UBTD1: variants seen among roughly 807,000 people sequenced by gnomAD.
UBTD1 encodes ubiquitin domain containing 1.
Under a neutral mutation model 21.7 loss-of-function variants are expected in UBTD1, and 19 were observed. That is an observed-to-expected ratio of 0.87 (90% CI 0.61 to 1.28). The LOEUF (loss-of-function observed/expected upper bound fraction) is 1.28, where lower values mean the gene tolerates loss of function less well. UBTD1 is among the 50% of genes most tolerant of loss of function. The probability of loss-of-function intolerance (pLI) is 0.00; values close to 1 mark genes in which losing one functional copy is unlikely to be tolerated. For missense variants in UBTD1, 282 were observed against 315.1 expected (o/e 0.89, Z 0.80); for synonymous variants, 116 against 135.1 (o/e 0.86, Z 0.98).
chr10:97,524,792 G>T (rs2040481082), intron 1 of UBTD1, among the ~76,000 whole-genome samples: 2 of 152,206 alleles, frequency 1.3e-5, no homozygotes, highest in African/African-American at 4.8e-5. Context: ...GAACATTGTT[G>T]TTTGCATGGT....
intron 1 of UBTD1, among the ~76,000 whole-genome samples, chr10:97,565,436 C>A (rs965254267): frequency 1.3e-5 from 2 of 152,156 alleles, no homozygotes; most frequent in Non-Finnish European, 2.9e-5. Context: ...TCCATGATTT[C>A]TTTGAATGTT....
At chr10:97,521,907 T>G (rs1435358127) in intron 1 of UBTD1, among the ~76,000 whole-genome samples, 1 of 152,244 alleles carries the variant, frequency 6.6e-6, no homozygotes, top group Non-Finnish European at 1.5e-5. Context: ...CTACAGATGT[T>G]TGCGTCATTG....
rs1210992670 is a variant in UBTD1, at chr10:97,528,732, C to G, written c.70+29459C>G. On this transcript the variant is annotated intron_variant, in intron 1 of 2. Transcript: ENST00000370664. ...GGCCGGGCGGGGGGCTGACCCCCCC[C>G]ACCTCCCTCCCGGACGGGGCGGCTG... 7.2e-4 allele frequency among the ~76,000 whole-genome samples: 41 copies of G among 56,946 alleles called. 2 individuals are homozygous for G. Among genetic ancestry groups the G allele is most frequent in the African/African-American group, 2.6e-3 (39 of 15,122 alleles). The allele number at this position is 56,946 out of a possible 152,430, so 37.4% of individuals were successfully genotyped here.
Position 97,570,397 on chromosome 10 carries a change from A to T in UBTD1, c.558A>T (p.Pro186=). 3 of 1,613,466 alleles carry T rather than the reference A, an allele frequency of 1.9e-6. No individual in the cohort carries two copies. The highest frequency in any genetic ancestry group is 1.1e-5 in the South Asian group (1 of 91,090). The change falls in exon 3 of 3, where the codon CCA becomes CCT. Residue 186 remains proline (P), a synonymous_variant. Transcript: ENST00000370664. The surrounding 1 kb of genome is among the most constrained non-coding windows in gnomAD (Gnocchi z 6.6). The part of the protein sequence containing the change: ...RQLHAQEGIE[P]SWQRWFFSGK... ...TGCACGCCCAGGAGGGCATCGAGCC[A>T]TCGTGGCAGCGGTGGTTCTTCTCCG...
intron 1 of UBTD1, among the ~76,000 whole-genome samples, chr10:97,518,703 G>A (rs1398345294): frequency 6.6e-6 from 1 of 152,228 alleles, no homozygotes; most frequent in Non-Finnish European, 1.5e-5. Flanking sequence ...GTTGACTGGA[G>A]AGTTTATGTC....
intron 1 of UBTD1, among the ~76,000 whole-genome samples, chr10:97,539,587 C>T (rs1341465633): frequency 6.6e-6 from 1 of 151,094 alleles, no homozygotes; most frequent in Non-Finnish European, 1.5e-5. Context: ...AGAGAGAGGC[C>T]CCATTTCAAA....
At chr10:97,524,754 G>GT (rs1420698546) in intron 1 of UBTD1, among the ~76,000 whole-genome samples, 2 of 152,192 alleles carry the variant, frequency 1.3e-5, no homozygotes, top group Admixed American at 6.5e-5. Flanking sequence ...CTGGGATCCT[G>GT]TTTTTTTGAA....
intron 2 of UBTD1, among the ~76,000 whole-genome samples, chr10:97,568,579 G>A (rs1004263989): frequency 5.3e-5 from 8 of 151,794 alleles, no homozygotes; most frequent in African/African-American, 1.9e-4. Context: ...GTGCCACCAT[G>A]CCTGGCTAAT....
At chr10:97,533,730 C>T (rs1180586958) in intron 1 of UBTD1, among the ~76,000 whole-genome samples, 3 of 152,034 alleles carry the variant, frequency 2.0e-5, no homozygotes, top group Non-Finnish European at 4.4e-5. Flanking sequence ...TTGAGACCAG[C>T]CTGGCCAACA....
At chr10:97,566,680 G>C (rs1056361731) in intron 1 of UBTD1, among the ~76,000 whole-genome samples, 1 of 152,198 alleles carries the variant, frequency 6.6e-6, no homozygotes, top group Non-Finnish European at 1.5e-5. Context: ...AGCGGAGATC[G>C]CTGCCTGCAA....
At chr10:97,527,320 T>C (rs1215541299) in intron 1 of UBTD1, among the ~76,000 whole-genome samples, 1 of 151,568 alleles carries the variant, frequency 6.6e-6, no homozygotes, top group Non-Finnish European at 1.5e-5. Context: ...ATACAAAAAA[T>C]TTCAAAAAGA....
chr10:97,568,973 G>T (rs1255188624), intron 2 of UBTD1, among the ~76,000 whole-genome samples: 1 of 152,130 alleles, frequency 6.6e-6, no homozygotes, highest in African/African-American at 2.4e-5. Context: ...ACAGGCATGC[G>T]CCATCACGCC....
intron 1 of UBTD1, among the ~76,000 whole-genome samples, chr10:97,534,282 G>A (rs565393662): frequency 5.3e-5 from 8 of 152,198 alleles, no homozygotes; most frequent in Middle Eastern, 3.2e-3. Flanking sequence ...TATTGTGTGC[G>A]GATCATTGGC....
At chr10:97,558,587 G>C (rs974203030) in intron 1 of UBTD1, among the ~76,000 whole-genome samples, 1 of 151,972 alleles carries the variant, frequency 6.6e-6, no homozygotes, top group Non-Finnish European at 1.5e-5. Flanking sequence ...CTGACACATA[G>C]AGTGTAAAGA....
chr10:97,529,531 G>A (rs1464157246), intron 1 of UBTD1, among the ~76,000 whole-genome samples: 4 of 152,226 alleles, frequency 2.6e-5, no homozygotes, highest in African/African-American at 9.6e-5. Context: ...GGAGGCCGAG[G>A]CTGGCGGATC....
chr10:97,570,309 C>T lies in UBTD1; in HGVS notation c.470C>T (p.Thr157Met), dbSNP rs567215770. The change falls in exon 3 of 3, where the codon ACG (threonine) becomes ATG (methionine). Residue 157 changes from threonine to methionine, a missense_variant. Physicochemically the swap from Thr to Met is moderately conservative, Grantham distance 81. Transcript: ENST00000370664. This position sits in a 1 kb window ranked among gnomAD's most constrained non-coding sequence, Gnocchi z 6.6. ...REFPLKVRLS[T>M]GKDVRLSASL... Reference sequence around the variant, plus strand: ...TTCCCGCTGAAGGTGCGCCTGTCCACGGGCAAGGACGTGAGGCTCAGCGCC... The same window carrying T: ...TTCCCGCTGAAGGTGCGCCTGTCCATGGGCAAGGACGTGAGGCTCAGCGCC... 26 of 1,613,204 alleles carry T rather than the reference C, an allele frequency of 1.6e-5. No homozygotes were observed. Among genetic ancestry groups the T allele is most frequent in the African/African-American group, 8.0e-5 (6 of 75,060 alleles).
intron 1 of UBTD1, among the ~76,000 whole-genome samples, chr10:97,518,165 C>T (rs1459437397): frequency 1.3e-5 from 2 of 152,104 alleles, no homozygotes; most frequent in Non-Finnish European, 2.9e-5. Context: ...CAGATGGGGA[C>T]AGTAGATGGT....
intron 1 of UBTD1, among the ~76,000 whole-genome samples, chr10:97,537,220 G>A (rs2040566912): frequency 6.6e-6 from 1 of 152,132 alleles, no homozygotes; most frequent in Admixed American, 6.5e-5. Context: ...ATGAATCTAG[G>A]CCATGACACT....
At chr10:97,544,878 T>G (rs1354301626) in intron 1 of UBTD1, among the ~76,000 whole-genome samples, 1 of 151,998 alleles carries the variant, frequency 6.6e-6, no homozygotes, top group Non-Finnish European at 1.5e-5. Context: ...TACTATTCAT[T>G]AAGTTGAAGT....
Sources: gnomAD v4.1 joint callset for allele counts (sites outside exome capture counted in the v4.1 genomes callset) on GRCh38, gnomAD v4.1.1 for gene constraint, Gnocchi (gnomAD v3.1) non-coding constraint, MANE v1.5 for transcripts, NCBI Gene and HGNC (gene_info 2026-07-23, HGNC 2026-07-21) for gene names.